The following ZC3H12B variants were observed in gnomAD, a reference collection of about 807,000 sequenced individuals.
ZC3H12B encodes the protein zinc finger CCCH-type containing 12B.
Under a neutral mutation model 43.9 loss-of-function variants are expected in ZC3H12B, and 7 were observed. That is an observed-to-expected ratio of 0.16 (90% CI 0.09 to 0.30). The LOEUF (loss-of-function observed/expected upper bound fraction) is 0.30, where lower values mean the gene tolerates loss of function less well. Ranked by LOEUF, ZC3H12B falls within the 10% of genes least tolerant of loss-of-function variation. The pLI, the probability that ZC3H12B is intolerant of heterozygous loss-of-function variation, is 1.00. For missense variants in ZC3H12B, 475 were observed against 670.2 expected, an observed-to-expected ratio of 0.71 and a Z score of 3.22; for synonymous variants, 222 against 241.7, an observed-to-expected ratio of 0.92 and a Z score of 0.76.
intron 2 of ZC3H12B, among the ~76,000 whole-genome samples, chrX:65,388,115 T>G (rs2066556601): frequency 9.0e-6 from 1 of 111,630 alleles, no homozygotes; most frequent in Non-Finnish European, 1.9e-5. Context: ...GACAATTATG[T>G]GTCTTGGAGT....
chrX:65,311,139 G>A, the ZC3H12B span, among the ~76,000 whole-genome samples: 4 of 112,026 alleles, frequency 3.6e-5, no homozygotes, highest in Non-Finnish European at 5.6e-5. Flanking sequence ...GGCCAAAATA[G>A]ACAAGTGGGA....
chrX:65,230,421 T>C, the ZC3H12B span, among the ~76,000 whole-genome samples: 1 of 109,042 alleles, frequency 9.2e-6, no homozygotes, highest in Non-Finnish European at 1.9e-5. Flanking sequence ...CATTAGGAGA[T>C]ATACCTAATG....
At chrX:65,408,330 A>C (rs2066861621) in intron 3 of ZC3H12B, 11 of 1,201,127 alleles carry the variant, frequency 9.2e-6, no homozygotes, top group Non-Finnish European at 1.2e-5. Context: ...GAAATCGCCA[A>C]GAGATTGAAT....
At chrX:65,121,901 T>G in the ZC3H12B span, among the ~76,000 whole-genome samples, 2 of 112,039 alleles carry the variant, frequency 1.8e-5, no homozygotes, top group African/African-American at 6.5e-5. Flanking sequence ...CATTTCCTTA[T>G]GTAGTCAGTA....
intron 2 of ZC3H12B, among the ~76,000 whole-genome samples, chrX:65,383,849 C>T (rs1299866948): frequency 5.5e-5 from 6 of 109,299 alleles, no homozygotes; most frequent in African/African-American, 2.0e-4. Context: ...GAATGGCAAT[C>T]ATTAAAAAGT....
the ZC3H12B span, among the ~76,000 whole-genome samples, chrX:65,214,901 A>G: frequency 1.8e-5 from 2 of 111,774 alleles, no homozygotes; most frequent in African/African-American, 6.5e-5. Context: ...TGAGTTGCAG[A>G]ATGGATGTTG....
chrX:65,171,683 G>A, the ZC3H12B span, among the ~76,000 whole-genome samples: 9 of 110,607 alleles, frequency 8.1e-5, no homozygotes, highest in East Asian at 2.6e-3. Flanking sequence ...TCTGTGGTTG[G>A]CTCCACCGAG....
the ZC3H12B span, among the ~76,000 whole-genome samples, chrX:65,145,434 A>G: frequency 9.0e-6 from 1 of 111,599 alleles, no homozygotes; most frequent in African/African-American, 3.3e-5. Context: ...GCAATTCTGT[A>G]TCTTTTAAGT....
the ZC3H12B span, among the ~76,000 whole-genome samples, chrX:65,216,436 G>A: frequency 1.3e-3 from 145 of 111,250 alleles, no homozygotes; most frequent in Non-Finnish European, 2.2e-3. Flanking sequence ...ACAGCCCTGG[G>A]GCAGAGGGGA....
At chrX:65,307,512 G>T in the ZC3H12B span, among the ~76,000 whole-genome samples, 1 of 111,829 alleles carries the variant, frequency 8.9e-6, no homozygotes, top group South Asian at 3.7e-4. Context: ...CAAAAGTCTT[G>T]AAGAGTTTTA....
chrX:65,109,024 G>T, the ZC3H12B span, among the ~76,000 whole-genome samples: 1 of 111,572 alleles, frequency 9.0e-6, no homozygotes, highest in African/African-American at 3.2e-5. Context: ...TGCCTGAAAC[G>T]TCCAGTTTTA....
At chrX:65,255,628 C>T in the ZC3H12B span, among the ~76,000 whole-genome samples, 2 of 111,922 alleles carry the variant, frequency 1.8e-5, no homozygotes, top group East Asian at 5.6e-4. Flanking sequence ...AGCAACCATA[C>T]AAAAAGTCTG....
chrX:65,503,620 TTA>T (rs1491250283), exon 5 of ZC3H12B: 6 of 107,589 alleles, frequency 5.6e-5, no homozygotes, highest in South Asian at 7.3e-4. Context: ...CTTTCTTTCT[TTA>T]TTTTTTTTTT....
the ZC3H12B span, among the ~76,000 whole-genome samples, chrX:65,214,510 T>C: frequency 9.0e-6 from 1 of 111,686 alleles, no homozygotes; most frequent in African/African-American, 3.3e-5. Context: ...TTTTCTCAGT[T>C]ATAGGAAACA....
the ZC3H12B span, among the ~76,000 whole-genome samples, chrX:65,241,855 G>A: frequency 6.3e-5 from 7 of 111,645 alleles, no homozygotes; most frequent in Admixed American, 6.7e-4. Context: ...TTTTTCGGTA[G>A]AGTGTACTGA....
At chrX:65,426,090 G>GTT (rs58660120) in intron 3 of ZC3H12B, among the ~76,000 whole-genome samples, 8 of 99,219 alleles carry the variant, frequency 8.1e-5, no homozygotes, top group African/African-American at 2.5e-4. Context: ...GTCTTATCCT[G>GTT]TTTTTTTTTT....
At chrX:65,129,761 G>T in the ZC3H12B span, among the ~76,000 whole-genome samples, 1 of 110,481 alleles carries the variant, frequency 9.1e-6, no homozygotes, top group East Asian at 2.9e-4. Context: ...CAAAAATTTT[G>T]GGGGGATGGT....
chrX:65,121,766 T>G, the ZC3H12B span, among the ~76,000 whole-genome samples: 2 of 111,816 alleles, frequency 1.8e-5, no homozygotes, highest in Non-Finnish European at 3.8e-5. Context: ...AGATCTTTTC[T>G]GCTTTCTTTT....
At chrX:65,037,742 C>A in the ZC3H12B span, among the ~76,000 whole-genome samples, 3 of 110,651 alleles carry the variant, frequency 2.7e-5, no homozygotes, top group Non-Finnish European at 5.7e-5. Context: ...AAGACTATTT[C>A]TTGATAAAAT....
Sources: allele counts gnomAD v4.1 joint callset (sites outside exome capture counted in the v4.1 genomes callset), GRCh38; gene constraint gnomAD v4.1.1; transcripts MANE v1.5; gene names NCBI Gene and HGNC (gene_info 2026-07-23, HGNC 2026-07-21).